The following CDH13 variants were observed in gnomAD, a reference collection of about 807,000 sequenced individuals.
CDH13 encodes cadherin 13.
In CDH13, 24 loss-of-function variants were observed where a neutral mutation model predicts 63.8. The ratio of observed to expected loss-of-function variants is 0.38; its 90% CI spans 0.27 to 0.53. The LOEUF is 0.53. Among genes scored for constraint, CDH13 ranks in the 20% least tolerant of loss-of-function variants. The pLI is 0.85. For synonymous variants in CDH13, 503 were observed against 355.3 expected, an observed-to-expected ratio of 1.42 and a Z score of -4.67; for missense variants, 1,049 against 903.1, an observed-to-expected ratio of 1.16 and a Z score of -2.07.
chr16:83,272,055 T>C (rs1401865467), intron 5 of CDH13, among the ~76,000 whole-genome samples: 1 of 152,222 alleles, frequency 6.6e-6, no homozygotes, highest in Non-Finnish European at 1.5e-5. Context: ...TATTGATTTT[T>C]AGAAAATTAA....
intron 6 of CDH13, among the ~76,000 whole-genome samples, chr16:83,377,559 C>T (rs1012865272): frequency 2.0e-5 from 3 of 152,126 alleles, no homozygotes; most frequent in African/African-American, 7.2e-5. Context: ...CTTTAATGTG[C>T]CCATTGGTGG....
intron 7 of CDH13, among the ~76,000 whole-genome samples, chr16:83,602,234 C>T (rs1907915829): frequency 1.3e-5 from 2 of 150,146 alleles, no homozygotes; most frequent in South Asian, 4.2e-4. Context: ...AATATATTGT[C>T]CCCATGGCAA....
intron 11 of CDH13, among the ~76,000 whole-genome samples, chr16:83,762,762 C>A (rs1914080125): frequency 6.6e-6 from 1 of 152,256 alleles, no homozygotes; most frequent in East Asian, 1.9e-4. Flanking sequence ...CCTAATCTTT[C>A]CCCCTCCTCT....
intron 4 of CDH13, among the ~76,000 whole-genome samples, chr16:83,138,211 G>A (rs986350594): frequency 4.6e-5 from 7 of 152,304 alleles, no homozygotes; most frequent in Non-Finnish European, 7.4e-5. Context: ...TCCCTAGGCT[G>A]AAAATTGAGC....
intron 5 of CDH13, among the ~76,000 whole-genome samples, chr16:83,272,774 C>T (rs2088864622): frequency 6.6e-6 from 1 of 152,132 alleles, no homozygotes; most frequent in Non-Finnish European, 1.5e-5. Flanking sequence ...AAAGGCAGAG[C>T]TGTGGCAGAG....
chr16:83,563,359 C>T (rs1309472528), intron 7 of CDH13, among the ~76,000 whole-genome samples: 7 of 152,174 alleles, frequency 4.6e-5, no homozygotes, highest in Admixed American at 4.6e-4. Context: ...TGCATTTATT[C>T]ACTTCAAACA....
intron 6 of CDH13, among the ~76,000 whole-genome samples, chr16:83,443,721 AAAAAAAAAAAAAAAAT>A (rs1258675961): frequency 1.3e-3 from 119 of 92,214 alleles, no homozygotes; most frequent in African/African-American, 2.4e-3. Flanking sequence ...AAAAAAAAAA[AAAAAAAAAAAAAAAAT>A]ATATATATAT....
chr16:83,016,054 A>G (rs1307606176), intron 2 of CDH13, among the ~76,000 whole-genome samples: 1 of 152,116 alleles, frequency 6.6e-6, no homozygotes, highest in East Asian at 1.9e-4. Flanking sequence ...AACAAGTGGC[A>G]AGGCACTCTT....
chr16:83,010,600 C>T (rs1415687406), intron 2 of CDH13, among the ~76,000 whole-genome samples: 1 of 152,100 alleles, frequency 6.6e-6, no homozygotes, highest in Non-Finnish European at 1.5e-5. Context: ...ATTTCTGTTG[C>T]ACTTTGTAGT....
At chr16:83,452,526 C>T (rs539136833) in intron 6 of CDH13, among the ~76,000 whole-genome samples, 2 of 151,922 alleles carry the variant, frequency 1.3e-5, no homozygotes, top group African/African-American at 2.4e-5. Flanking sequence ...TTTCTCGGTT[C>T]GTTTTGTGTT....
chr16:83,201,079 A>G (rs1350626490), intron 4 of CDH13, among the ~76,000 whole-genome samples: 1 of 152,174 alleles, frequency 6.6e-6, no homozygotes, highest in Non-Finnish European at 1.5e-5. Flanking sequence ...CCTTACCAGA[A>G]GTTGGCAAGC....
chr16:82,726,596 T>C (rs975740759), intron 1 of CDH13, among the ~76,000 whole-genome samples: 8 of 152,214 alleles, frequency 5.3e-5, no homozygotes, highest in African/African-American at 1.9e-4. Flanking sequence ...AAGCACCGCT[T>C]GTTTCATTAT....
intron 8 of CDH13, among the ~76,000 whole-genome samples, chr16:83,650,251 G>T (rs570812342): frequency 1.3e-5 from 2 of 152,272 alleles, no homozygotes; most frequent in Admixed American, 1.3e-4. Flanking sequence ...TTATAAAAGG[G>T]ATTATCAGCT....
intron 2 of CDH13, among the ~76,000 whole-genome samples, chr16:82,933,228 G>A (rs1322442646): frequency 1.3e-5 from 2 of 152,096 alleles, no homozygotes; most frequent in African/African-American, 4.8e-5. Flanking sequence ...GGCTGGTGAG[G>A]CCTCAGGAAA....
intron 2 of CDH13, among the ~76,000 whole-genome samples, chr16:82,996,711 GTGA>G (rs1034214934): frequency 9.9e-5 from 15 of 152,186 alleles, no homozygotes; most frequent in South Asian, 6.2e-4. Flanking sequence ...CATAATGAGA[GTGA>G]TGATGATGAT....
chr16:82,955,101 A>G (rs914785906), intron 2 of CDH13, among the ~76,000 whole-genome samples: 1 of 152,206 alleles, frequency 6.6e-6, no homozygotes, highest in Non-Finnish European at 1.5e-5. Flanking sequence ...AAATATGCCT[A>G]TAATCTTTGG....
At chr16:83,204,181 G>C (rs957248354) in intron 4 of CDH13, among the ~76,000 whole-genome samples, 2 of 152,192 alleles carry the variant, frequency 1.3e-5, no homozygotes, top group African/African-American at 4.8e-5. Flanking sequence ...ACTGGGTTGA[G>C]TGCTCCTACC....
chr16:82,815,940 C>A (rs1023903892), intron 1 of CDH13, among the ~76,000 whole-genome samples: 1 of 152,128 alleles, frequency 6.6e-6, no homozygotes, highest in Non-Finnish European at 1.5e-5. Flanking sequence ...GTGTTTAGGA[C>A]TGATAAAATA....
chr16:83,161,833 C>A (rs564084072), intron 4 of CDH13, among the ~76,000 whole-genome samples: 1 of 152,286 alleles, frequency 6.6e-6, no homozygotes, highest in East Asian at 1.9e-4. Flanking sequence ...GTTTCAGAAG[C>A]CTGAGACGCT....
Sources: gnomAD v4.1 joint callset for allele counts (sites outside exome capture counted in the v4.1 genomes callset) on GRCh38, gnomAD v4.1.1 for gene constraint, MANE v1.5 for transcripts, NCBI Gene and HGNC (gene_info 2026-07-23, HGNC 2026-07-21) for gene names.